The following SLC8A3 variants were observed in gnomAD, a reference collection of about 807,000 sequenced individuals.
SLC8A3 encodes the protein solute carrier family 8 member A3, also known as sodium/calcium exchanger 3.
A neutral mutation model predicts 65.4 loss-of-function variants in SLC8A3; 37 were observed. The ratio of observed to expected loss-of-function variants is 0.57; its 90% CI spans 0.44 to 0.74. SLC8A3 has a LOEUF of 0.74. Ranked by LOEUF, SLC8A3 falls within the 30% of genes least tolerant of loss-of-function variation. SLC8A3 has a pLI of 0.00. For synonymous variants in SLC8A3, 461 were observed against 444.5 expected (o/e 1.04, Z -0.47); for missense variants, 1,112 against 1,172.1 (o/e 0.95, Z 0.75).
intron 2 of SLC8A3, among the ~76,000 whole-genome samples, chr14:70,091,740 C>G (rs966231893): frequency 1.3e-5 from 2 of 152,146 alleles, no homozygotes; most frequent in Admixed American, 1.3e-4. Flanking sequence ...CTTAGCTGAT[C>G]TTTGATTTTT....
intron 6 of SLC8A3, chr14:70,047,823 GT>G (rs1886966119): frequency 6.6e-6 from 1 of 152,252 alleles, no homozygotes; most frequent in Non-Finnish European, 1.5e-5. Flanking sequence ...ACTGAATTAA[GT>G]AAAGAACCTG....
intron 2 of SLC8A3, among the ~76,000 whole-genome samples, chr14:70,142,768 T>G (rs1010326824): frequency 1.3e-5 from 2 of 152,210 alleles, no homozygotes; most frequent in Non-Finnish European, 2.9e-5. Context: ...TTTCTCTTAT[T>G]TTACTTCTTT....
intron 6 of SLC8A3, 199 bp downstream of exon 6, chr14:70,048,568 C>G (rs1208171911): frequency 1.5e-6 from 1 of 678,216 alleles, no homozygotes; most frequent in Non-Finnish European, 2.7e-6. Flanking sequence ...GTGTCTGTCA[C>G]ATTGAAAGTG....
In SLC8A3 at chr14:70,144,331, TAAA is replaced by T. The variant is rs1164198147; in HGVS notation, c.1784+22305_1784+22307del. ...CTGTTTTTTTTTTTTTTTTTTTTTT[TAAA>T]AAAAAAAAAAAAAAGGCCAGGCACA... On this transcript the variant is annotated intron_variant, in intron 2 of 6. Coordinates refer to ENST00000356921, the MANE Select transcript of SLC8A3 (RefSeq NM_182932.3). Among the ~76,000 whole-genome samples, 641 of 66,646 alleles carry T rather than the reference TAAA, an allele frequency of 9.6e-3. 6 individuals are homozygous for T. The highest frequency in any genetic ancestry group is 0.027 in the East Asian group (47 of 1,736). 43.7% of individuals were successfully genotyped at this position (66,646 alleles called of 152,430 possible).
At chr14:70,048,032 A>C (rs1341198956) in intron 6 of SLC8A3, 1 of 152,758 alleles carries the variant, frequency 6.5e-6, no homozygotes, top group African/African-American at 2.4e-5. Context: ...CTATAGTCCC[A>C]AAAACTAGCA....
chr14:70,132,156 G>A (rs945908318), intron 2 of SLC8A3, among the ~76,000 whole-genome samples: 1 of 152,200 alleles, frequency 6.6e-6, no homozygotes, highest in Non-Finnish European at 1.5e-5. Context: ...GAAAGAACTA[G>A]CTTGTTCTGG....
At chr14:70,184,750 A>C (rs1242834862) in intron 1 of SLC8A3, among the ~76,000 whole-genome samples, 1 of 152,200 alleles carries the variant, frequency 6.6e-6, no homozygotes, top group Non-Finnish European at 1.5e-5. Context: ...ATGAGGAAAG[A>C]GGCCATTCTA....
In SLC8A3 at chr14:70,122,158, G is replaced by A. The variant is rs1226518015; in HGVS notation, c.1784+44481C>T. On this transcript the variant is annotated intron_variant, in intron 2 of 6. Coordinates refer to ENST00000356921, the MANE Select transcript of SLC8A3 (RefSeq NM_182932.3). ...GCTATTTCAGAGAAAACTGGGGGAC[G>A]AGGGGCGGTATGTGATTGGAGAAGG... is the stretch of plus-strand genomic sequence containing the variant. Among the ~76,000 whole-genome samples, 8 of 152,304 alleles carry A rather than the reference G, an allele frequency of 5.3e-5. 1 individual carries two copies. The highest frequency in any genetic ancestry group is 4.2e-4 in the South Asian group (2 of 4,818).
intron 2 of SLC8A3, among the ~76,000 whole-genome samples, chr14:70,093,188 AC>A (rs1453227987): frequency 2.0e-5 from 3 of 152,366 alleles, no homozygotes; most frequent in Non-Finnish European, 4.4e-5. Context: ...TATTTGGCCT[AC>A]CATGCTGCAG....
chr14:70,176,966 A>G (rs1897945237), intron 1 of SLC8A3, among the ~76,000 whole-genome samples: 1 of 152,156 alleles, frequency 6.6e-6, no homozygotes, highest in African/African-American at 2.4e-5. Flanking sequence ...TTACTCATTT[A>G]TTCATTCATG....
At chr14:70,064,586 A>G (rs918489883) in intron 2 of SLC8A3, among the ~76,000 whole-genome samples, 8 of 152,176 alleles carry the variant, frequency 5.3e-5, no homozygotes, top group Non-Finnish European at 1.0e-4. Context: ...AATTTGGCTC[A>G]TGTCACACAT....
At chr14:70,109,657 T>C (rs1364229575) in intron 2 of SLC8A3, among the ~76,000 whole-genome samples, 4 of 152,046 alleles carry the variant, frequency 2.6e-5, no homozygotes, top group Non-Finnish European at 4.4e-5. Context: ...TTTCACCATA[T>C]TGGCCAAGCT....
intron 3 of SLC8A3, chr14:70,055,657 C>T: frequency 1.5e-6 from 1 of 649,324 alleles, no homozygotes; most frequent in South Asian, 2.4e-5. Flanking sequence ...GAAAATAAAT[C>T]TCCCAGTCCT....
At chr14:70,112,967 C>A (rs1348063312) in intron 2 of SLC8A3, among the ~76,000 whole-genome samples, 1 of 23,982 alleles carries the variant, frequency 4.2e-5, no homozygotes, top group African/African-American at 1.1e-4. Context: ...CTCATCTTAA[C>A]TTACTACATT....
At chr14:70,122,233 C>A (rs1233645668) in intron 2 of SLC8A3, among the ~76,000 whole-genome samples, 4 of 152,230 alleles carry the variant, frequency 2.6e-5, no homozygotes, top group Non-Finnish European at 5.9e-5. Context: ...CCCACTCCCA[C>A]ACCATACATT....
chr14:70,137,786 C>CTTTTTTTT (rs36057761), intron 2 of SLC8A3, among the ~76,000 whole-genome samples: 12,019 of 131,600 alleles, frequency 0.091, 806 homozygotes, highest in Non-Finnish European at 0.14. Flanking sequence ...CTGGTGGTGC[C>CTTTTTTTT]TTTTTTTTTT....
chr14:70,156,683 C>T (rs1274290478), intron 2 of SLC8A3, among the ~76,000 whole-genome samples: 1 of 152,082 alleles, frequency 6.6e-6, no homozygotes, highest in Non-Finnish European at 1.5e-5. Context: ...ATCAAGTTTG[C>T]AGCTCCTAGG....
At chr14:70,096,790 A>G (rs987644798) in intron 2 of SLC8A3, among the ~76,000 whole-genome samples, 3 of 152,184 alleles carry the variant, frequency 2.0e-5, no homozygotes, top group African/African-American at 7.2e-5. Flanking sequence ...TGGGGCTTGC[A>G]GTGGATTCTG....
At chr14:70,186,061 C>T (rs8005206) in intron 1 of SLC8A3, among the ~76,000 whole-genome samples, 209 of 152,120 alleles carry the variant, frequency 1.4e-3, no homozygotes, top group African/African-American at 4.8e-3. Flanking sequence ...ATAATCCCTA[C>T]GTGTCCTGGG....
Sources: gnomAD v4.1 joint callset for allele counts (sites outside exome capture counted in the v4.1 genomes callset) on GRCh38, gnomAD v4.1.1 for gene constraint, MANE v1.5 for transcripts, NCBI Gene and HGNC (gene_info 2026-07-23, HGNC 2026-07-21) for gene names.